The following JAZF1 variants were observed in gnomAD, a reference collection of about 807,000 sequenced individuals.
The protein encoded by JAZF1 is juxtaposed with another zinc finger protein 1.
Under a neutral mutation model 26.4 loss-of-function variants are expected in JAZF1, and 8 were observed. The ratio of observed to expected loss-of-function variants is 0.30; its 90% confidence interval spans 0.18 to 0.55. JAZF1 has a LOEUF of 0.55. JAZF1 is among the 20% of genes least tolerant of loss of function. The pLI, the probability that JAZF1 is intolerant of heterozygous loss-of-function variation, is 0.94. For missense variants in JAZF1, 199 were observed against 322.0 expected, an observed-to-expected ratio of 0.62 and a Z score of 2.92; for synonymous variants, 126 against 122.3, an observed-to-expected ratio of 1.03 and a Z score of -0.20.
chr7:28,174,814 G>GTC (rs1783523785), intron 1 of JAZF1, among the ~76,000 whole-genome samples: 1 of 65,962 alleles, frequency 1.5e-5, no homozygotes. Context: ...TGCCTATGGG[G>GTC]TGTGTGGGTG....
chr7:28,136,535 T>TAC (rs2127943980), intron 1 of JAZF1, among the ~76,000 whole-genome samples: 1 of 152,380 alleles, frequency 6.6e-6, no homozygotes, highest in South Asian at 2.1e-4. Context: ...TGGAAGTGGG[T>TAC]CTGTGCAGGG....
In JAZF1 at chr7:27,905,431, CTTTCT is replaced by C. The variant is rs1458134874; in HGVS notation, c.189-10020_189-10016del. Among the ~76,000 whole-genome samples the C allele has an allele frequency of 1.5e-3, 87 of 59,024 alleles. 1 individual carries two copies. Among genetic ancestry groups the C allele is most frequent in the South Asian group, 0.014 (12 of 864 alleles). The allele number at this position is 59,024 out of a possible 152,430, so 38.7% of individuals were successfully genotyped here. A position where few individuals can be genotyped will look rare whatever the true frequency, so the allele number is the denominator to read the frequency against. ...TTTGCTTCTAGATGTTCATTTCTTTCTTTCTTTTTTTTTTTTGTGGGGGAGAGGGA... is the reference window on the plus strand; with the variant it reads ...TTTGCTTCTAGATGTTCATTTCTTTCTTTTTTTTTTTGTGGGGGAGAGGGA... On this transcript the variant is annotated intron_variant, in intron 2 of 4. Transcript: ENST00000283928.
At chr7:28,177,947 C>T (rs962951927) in intron 1 of JAZF1, among the ~76,000 whole-genome samples, 2 of 152,128 alleles carry the variant, frequency 1.3e-5, no homozygotes, top group African/African-American at 2.4e-5. Flanking sequence ...AGGGCCTCTC[C>T]CCAGCAGAAG....
chr7:27,897,056 C>T (rs1284496452), intron 2 of JAZF1, among the ~76,000 whole-genome samples: 1 of 151,876 alleles, frequency 6.6e-6, no homozygotes, highest in African/African-American at 2.4e-5. Context: ...AATACAGACT[C>T]ACAGAGAAAA....
intron 1 of JAZF1, among the ~76,000 whole-genome samples, chr7:28,127,268 C>T (rs968975211): frequency 2.0e-5 from 3 of 152,188 alleles, no homozygotes; most frequent in Admixed American, 6.5e-5. Context: ...TTAAGGATTA[C>T]TATTAAATGC....
At chr7:27,997,724 T>C (rs1786044713) in intron 1 of JAZF1, among the ~76,000 whole-genome samples, 1 of 151,934 alleles carries the variant, frequency 6.6e-6, no homozygotes, top group Non-Finnish European at 1.5e-5. Flanking sequence ...TGCACCACCA[T>C]AGCTGAGCAA....
intron 1 of JAZF1, among the ~76,000 whole-genome samples, chr7:28,177,268 A>G (rs1783563301): frequency 6.6e-6 from 1 of 152,174 alleles, no homozygotes; most frequent in Non-Finnish European, 1.5e-5. Flanking sequence ...AAGAGCTAAA[A>G]AAGTGGGTGG....
intron 2 of JAZF1, among the ~76,000 whole-genome samples, chr7:27,937,056 G>A (rs1784772376): frequency 6.6e-6 from 1 of 152,136 alleles, no homozygotes; most frequent in Admixed American, 6.5e-5. Flanking sequence ...AGATTTTCTT[G>A]TGAGGCTTTG....
intron 3 of JAZF1, chr7:27,864,084 G>A (rs981794094): frequency 1.3e-5 from 2 of 152,192 alleles, no homozygotes; most frequent in African/African-American, 2.4e-5. Context: ...CCTGACTACC[G>A]CCTGGCCGCT....
At chr7:28,022,108 G>C (rs1010096945) in intron 1 of JAZF1, among the ~76,000 whole-genome samples, 2 of 152,218 alleles carry the variant, frequency 1.3e-5, no homozygotes, top group African/African-American at 2.4e-5. Flanking sequence ...AAGCACTGAA[G>C]ACTGTTTTCT....
chr7:27,844,726 G>T lies in JAZF1; in HGVS notation c.386-3859C>A, dbSNP rs1782987422. 4.6e-5 allele frequency among the ~76,000 whole-genome samples: 7 copies of T among 152,302 alleles called. 1 individual carries two copies. In the South Asian group the frequency reaches 1.5e-3, roughly 32 times the overall value. Reference sequence around the variant, plus strand: ...TAAATTTTTTATAAGTAGGTACAAAGAATTAATACCCCCTTCTCGCACCTC... The same window carrying T: ...TAAATTTTTTATAAGTAGGTACAAATAATTAATACCCCCTTCTCGCACCTC... On this transcript the variant is annotated intron_variant, in intron 3 of 4. Transcript: ENST00000283928.
chr7:27,966,714 T>C (rs1785282019), intron 2 of JAZF1, among the ~76,000 whole-genome samples: 1 of 152,238 alleles, frequency 6.6e-6, no homozygotes, highest in African/African-American at 2.4e-5. Flanking sequence ...TTTTTCATGC[T>C]TTTATATTAG....
At chr7:27,883,551 G>C (rs1402360738) in intron 3 of JAZF1, among the ~76,000 whole-genome samples, 2 of 152,184 alleles carry the variant, frequency 1.3e-5, no homozygotes. Flanking sequence ...TAAATCTGAG[G>C]ATTTAAGTGC....
chr7:27,840,642 C>T lies in JAZF1; in HGVS notation c.555+56G>A. On this transcript the variant is annotated intron_variant, in intron 4 of 4. Coordinates refer to ENST00000283928, the MANE Select transcript of JAZF1 (RefSeq NM_175061.4). The surrounding 1 kb of genome is among the most constrained non-coding windows in gnomAD (Gnocchi z 5.1). ...AAATCAAGAAAGGGCTGCTGCCTTC[C>T]ATGAAGCTTGCCCTGTTTCCATGTG... The T allele has an allele frequency of 5.7e-6, 9 of 1,567,086 alleles. No individual in the cohort carries two copies. Among genetic ancestry groups the T allele is most frequent in the Non-Finnish European group, 7.9e-6 (9 of 1,144,900 alleles).
chr7:27,932,160 G>C (rs1784696993), intron 2 of JAZF1, among the ~76,000 whole-genome samples: 1 of 152,150 alleles, frequency 6.6e-6, no homozygotes, highest in African/African-American at 2.4e-5. Context: ...GAGTGAGAAA[G>C]GAAAGAAAGA....
intron 1 of JAZF1, among the ~76,000 whole-genome samples, chr7:28,103,984 G>A (rs761528821): frequency 2.6e-5 from 4 of 152,062 alleles, no homozygotes; most frequent in African/African-American, 4.8e-5. Context: ...TGCCCACCAC[G>A]ACCTTATCTC....
intron 1 of JAZF1, among the ~76,000 whole-genome samples, chr7:28,130,845 T>C (rs1307290255): frequency 4.6e-5 from 7 of 152,194 alleles, no homozygotes; most frequent in South Asian, 2.1e-4. Context: ...AGAGATTGGA[T>C]AGAATACCAA....
chr7:27,871,705 A>C (rs1783585180), intron 3 of JAZF1, among the ~76,000 whole-genome samples: 1 of 152,202 alleles, frequency 6.6e-6, no homozygotes, highest in African/African-American at 2.4e-5. Flanking sequence ...TATTTTTCTA[A>C]AAAGTGAAGG....
At position 27,989,490 on chromosome 7, in the gene JAZF1, C is replaced by T. The variant is rs192637169; in HGVS notation, c.188+2419G>A. ...CAAAAGAAACTACCGTCAGAGTGAA[C>T]AGGCAACCTACAGAATGGGAGAAAA... is the stretch of plus-strand genomic sequence containing the variant. On this transcript the variant is annotated intron_variant, in intron 2 of 4. Coordinates refer to ENST00000283928, the MANE Select transcript of JAZF1 (RefSeq NM_175061.4). 4.7e-3 allele frequency among the ~76,000 whole-genome samples: 717 copies of T among 152,288 alleles called. 10 individuals are homozygous for T. Among genetic ancestry groups the T allele is most frequent in the African/African-American group, 0.016 (675 of 41,540 alleles).
Sources: gnomAD v4.1 joint callset for allele counts (sites outside exome capture counted in the v4.1 genomes callset) on GRCh38, gnomAD v4.1.1 for gene constraint, Gnocchi (gnomAD v3.1) non-coding constraint, MANE v1.5 for transcripts, NCBI Gene and HGNC (gene_info 2026-07-23, HGNC 2026-07-21) for gene names.